The following FGF14 variants were observed in gnomAD, a reference collection of about 807,000 sequenced individuals.
FGF14 encodes fibroblast growth factor 14.
A neutral mutation model predicts 25.5 loss-of-function variants in FGF14; 5 were observed. The observed-to-expected ratio is 0.20, with a 90% confidence interval of 0.10 to 0.41. The LOEUF is 0.41. FGF14 is among the 10% of genes least tolerant of loss of function. The probability of loss-of-function intolerance (pLI) is 1.00; values close to 1 mark genes in which losing one functional copy is unlikely to be tolerated. For missense variants in FGF14, 222 were observed against 320.1 expected (o/e 0.69, Z 2.34); for synonymous variants, 138 against 118.3 (o/e 1.17, Z -1.08).
intron 1 of FGF14, among the ~76,000 whole-genome samples, chr13:101,956,256 A>G (rs1284338025): frequency 6.6e-6 from 1 of 152,036 alleles, no homozygotes; most frequent in Non-Finnish European, 1.5e-5. Context: ...ATTAAACTTT[A>G]GATAGATAGA....
intron 3 of FGF14, among the ~76,000 whole-genome samples, chr13:101,863,018 CAT>C (rs2044504267): frequency 2.0e-5 from 3 of 151,916 alleles, no homozygotes; most frequent in South Asian, 4.1e-4. Flanking sequence ...TCCAATGAAA[CAT>C]ACACATACAT....
At chr13:102,370,450 T>G (rs757320100) in intron 1 of FGF14, among the ~76,000 whole-genome samples, 6 of 152,122 alleles carry the variant, frequency 3.9e-5, no homozygotes, top group Non-Finnish European at 7.4e-5. Flanking sequence ...TGTTTGTTTG[T>G]TATGAGATGG....
intron 3 of FGF14, among the ~76,000 whole-genome samples, chr13:101,760,110 A>T (rs546161041): frequency 6.6e-6 from 1 of 152,342 alleles, no homozygotes; most frequent in East Asian, 1.9e-4. Context: ...CCACTTTTTC[A>T]TACAACATAG....
intron 1 of FGF14, among the ~76,000 whole-genome samples, chr13:102,223,299 G>T (rs1167657465): frequency 6.6e-6 from 1 of 152,150 alleles, no homozygotes; most frequent in Non-Finnish European, 1.5e-5. Flanking sequence ...AGAGGGCAAT[G>T]CACAGAAACT....
chr13:101,908,514 T>C (rs1264350789), intron 1 of FGF14, among the ~76,000 whole-genome samples: 6 of 152,172 alleles, frequency 3.9e-5, no homozygotes, highest in Non-Finnish European at 7.4e-5. Flanking sequence ...CAGGTAGTTG[T>C]TAAATACATT....
chr13:102,348,613 T>A (rs2057182523), intron 1 of FGF14, among the ~76,000 whole-genome samples: 2 of 152,236 alleles, frequency 1.3e-5, no homozygotes, highest in Admixed American at 6.5e-5. Context: ...CAAAGGTGGT[T>A]ATTCCAGAGC....
intron 3 of FGF14, among the ~76,000 whole-genome samples, chr13:101,836,681 G>C (rs888193927): frequency 1.3e-5 from 2 of 151,972 alleles, no homozygotes; most frequent in Non-Finnish European, 2.9e-5. Context: ...TTAAGGATTT[G>C]ATCTTTTCCA....
chr13:101,803,851 G>A (rs1594308141), intron 3 of FGF14, among the ~76,000 whole-genome samples: 1 of 152,232 alleles, frequency 6.6e-6, no homozygotes, highest in Non-Finnish European at 1.5e-5. Flanking sequence ...AGATGCATGT[G>A]AGACATGGTT....
intron 1 of FGF14, among the ~76,000 whole-genome samples, chr13:102,150,654 G>GCTCATCCCATT (rs2047045388): frequency 6.6e-6 from 1 of 152,184 alleles, no homozygotes; most frequent in South Asian, 2.1e-4. Context: ...GCATCAGCCT[G>GCTCATCCCATT]CTCATCTCAT....
rs182691112 is a variant in FGF14 at position 102,271,080 on chromosome 13, G to T, written c.208+130391C>A. Among the ~76,000 whole-genome samples the T allele has an allele frequency of 5.6e-3, 854 of 152,252 alleles. 4 individuals are homozygous for T. Among genetic ancestry groups the T allele is most frequent in the Middle Eastern group, 0.024 (7 of 292 alleles). On this transcript the variant is annotated intron_variant, in intron 1 of 4. Coordinates refer to the FGF14 transcript ENST00000376131. ...CTAGTTACTCCACATGCTCTACAGAGATATTATTAGTTTCATCTTGCTATG... is the reference window on the plus strand; with the variant it reads ...CTAGTTACTCCACATGCTCTACAGATATATTATTAGTTTCATCTTGCTATG...
intron 1 of FGF14, among the ~76,000 whole-genome samples, chr13:101,994,432 G>C (rs982058723): frequency 6.6e-6 from 1 of 151,856 alleles, no homozygotes; most frequent in African/African-American, 2.4e-5. Flanking sequence ...CTTATGGGAG[G>C]ACTTATTGCC....
intron 3 of FGF14, among the ~76,000 whole-genome samples, chr13:101,863,604 T>C (rs1324215810): frequency 6.6e-6 from 1 of 152,122 alleles, no homozygotes; most frequent in African/African-American, 2.4e-5. Context: ...ATTCACGCAA[T>C]ACTCCATGAG....
chr13:102,024,270 C>T (rs1022033443), intron 1 of FGF14, among the ~76,000 whole-genome samples: 3 of 152,058 alleles, frequency 2.0e-5, no homozygotes, highest in Admixed American at 2.0e-4. Flanking sequence ...AATTCCTCCA[C>T]ATTCTTGCCA....
intron 1 of FGF14, among the ~76,000 whole-genome samples, chr13:102,046,337 ATGATG>A (rs2041981180): frequency 6.6e-6 from 1 of 152,196 alleles, no homozygotes; most frequent in Admixed American, 6.5e-5. Flanking sequence ...CTTGTGCATA[ATGATG>A]TGGGAAAATT....
At chr13:101,774,969 C>CAA (rs1213093814) in intron 3 of FGF14, among the ~76,000 whole-genome samples, 17 of 54,378 alleles carry the variant, frequency 3.1e-4, no homozygotes, top group East Asian at 6.2e-4. Flanking sequence ...AACTCCATCT[C>CAA]AAAAAAAAAA....
intron 1 of FGF14, among the ~76,000 whole-genome samples, chr13:102,210,784 G>A (rs1199770555): frequency 6.6e-6 from 1 of 152,150 alleles, no homozygotes; most frequent in African/African-American, 2.4e-5. Flanking sequence ...AACCACGTAG[G>A]ACAGAGAATA....
chr13:102,389,035 T>C (rs1021825638), intron 1 of FGF14, among the ~76,000 whole-genome samples: 1 of 152,160 alleles, frequency 6.6e-6, no homozygotes, highest in Non-Finnish European at 1.5e-5. Flanking sequence ...GCCAAGAATA[T>C]GCTTATCTCT....
intron 1 of FGF14, among the ~76,000 whole-genome samples, chr13:102,014,422 C>G (rs1195702249): frequency 6.6e-6 from 1 of 151,978 alleles, no homozygotes; most frequent in African/African-American, 2.4e-5. Context: ...ACGGAAAAAG[C>G]TAAGTATAAA....
chr13:102,327,302 G>A (rs1244090424), intron 1 of FGF14, among the ~76,000 whole-genome samples: 1 of 152,140 alleles, frequency 6.6e-6, no homozygotes, highest in Non-Finnish European at 1.5e-5. Context: ...ACTTGGCAGG[G>A]AGCAGTGGGT....
Sources: allele counts gnomAD v4.1 joint callset (sites outside exome capture counted in the v4.1 genomes callset), GRCh38; gene constraint gnomAD v4.1.1; transcripts MANE v1.5; gene names NCBI Gene and HGNC (gene_info 2026-07-23, HGNC 2026-07-21).